The following CACNA2D3 variants were observed in gnomAD, a reference collection of about 807,000 sequenced individuals.
CACNA2D3 encodes the protein calcium voltage-gated channel auxiliary subunit alpha2delta 3, also known as voltage-dependent calcium channel subunit alpha-2/delta-3.
CACNA2D3 carries 60 observed loss-of-function variants against 160.6 expected under a neutral mutation model. That is an observed-to-expected ratio of 0.37 (90% CI 0.30 to 0.46). The LOEUF is 0.46. Ranked by LOEUF, CACNA2D3 falls within the 20% of genes least tolerant of loss-of-function variation. CACNA2D3 has a pLI of 1.00. For synonymous variants in CACNA2D3, 558 were observed against 492.9 expected (o/e 1.13, Z -1.75); for missense variants, 1,205 against 1,365.0 (o/e 0.88, Z 1.85).
chr3:55,000,892 G>A (rs1478283551), intron 31 of CACNA2D3, among the ~76,000 whole-genome samples: 1 of 152,166 alleles, frequency 6.6e-6, no homozygotes, highest in Non-Finnish European at 1.5e-5. Context: ...GCATTTCTTA[G>A]AATCTGTCAG....
At chr3:54,871,176 G>C (rs2703024) in intron 17 of CACNA2D3, among the ~76,000 whole-genome samples, 2 of 144,964 alleles carry the variant, frequency 1.4e-5, no homozygotes, top group East Asian at 4.0e-4. Flanking sequence ...ATACCATATA[G>C]GTGGAGACAC....
At position 54,181,576 on chromosome 3, in the gene CACNA2D3, A is replaced by AT. The variant is rs113684354; in HGVS notation, c.204+57990dup. Among the ~76,000 whole-genome samples, 976 of 152,208 alleles carry AT rather than the reference A, an allele frequency of 6.4e-3. 14 individuals are homozygous for AT. The highest frequency in any genetic ancestry group is 0.023 in the African/African-American group (939 of 41,508). ...TAGACCTCCATTAGAAAATTTAAAGATTTTTTTTAAGAGGTCAGAGTTAAT... is the reference window on the plus strand; with the variant it reads ...TAGACCTCCATTAGAAAATTTAAAGATTTTTTTTTAAGAGGTCAGAGTTAAT... On this transcript the variant is annotated intron_variant, in intron 2 of 37. Transcript: ENST00000474759.
intron 24 of CACNA2D3, among the ~76,000 whole-genome samples, chr3:54,890,476 AC>A (rs1252998177): frequency 1.4e-5 from 2 of 147,494 alleles, no homozygotes; most frequent in Non-Finnish European, 3.0e-5. Context: ...AGCCTGGGTG[AC>A]AGAGCCAGAC....
At chr3:54,912,805 G>A (rs75779326) in intron 27 of CACNA2D3, among the ~76,000 whole-genome samples, 2 of 152,130 alleles carry the variant, frequency 1.3e-5, no homozygotes, top group East Asian at 3.9e-4. Context: ...CACTCCTTTA[G>A]CCTTAATACT....
chr3:54,765,492 T>C (rs1702207114), intron 13 of CACNA2D3, among the ~76,000 whole-genome samples: 1 of 152,160 alleles, frequency 6.6e-6, no homozygotes, highest in Non-Finnish European at 1.5e-5. Flanking sequence ...TTTTAAATCA[T>C]GGAAACAAAA....
chr3:54,158,355 C>T (rs1019479570), intron 2 of CACNA2D3, among the ~76,000 whole-genome samples: 1 of 152,168 alleles, frequency 6.6e-6, no homozygotes, highest in African/African-American at 2.4e-5. Flanking sequence ...AGCATCGATT[C>T]TCTCTTTGAA....
intron 2 of CACNA2D3, among the ~76,000 whole-genome samples, chr3:54,207,218 G>A (rs1432605121): frequency 7.1e-6 from 1 of 140,864 alleles, no homozygotes; most frequent in South Asian, 2.4e-4. Context: ...AGTGCTAATT[G>A]TATGCATGGC....
At chr3:54,383,199 A>T (rs778564274) in intron 3 of CACNA2D3, among the ~76,000 whole-genome samples, 10 of 152,150 alleles carry the variant, frequency 6.6e-5, no homozygotes, top group Non-Finnish European at 1.5e-4. Context: ...TAATTTGTTT[A>T]CCTTTATAAG....
intron 14 of CACNA2D3, among the ~76,000 whole-genome samples, chr3:54,822,782 C>CTT (rs1207812302): frequency 7.7e-5 from 6 of 77,556 alleles, no homozygotes; most frequent in East Asian, 4.2e-4. Flanking sequence ...TTCTTTCTTT[C>CTT]TTTCTTTCCT....
Position 54,821,697 on chromosome 3 carries a change from T to TTTCTTTCTTTCTTTCCTTCCTTCC in CACNA2D3, c.1398+4830_1398+4831insTTTCTTTCTTTCCTTCCTTCCTTC, listed in dbSNP as rs753240626. On this transcript the variant is annotated intron_variant, in intron 14 of 37. Coordinates refer to ENST00000474759, the MANE Select transcript of CACNA2D3 (RefSeq NM_018398.3). ...CTTTCTTTCTTTCTTTCTTTCTTTC[T>TTTCTTTCTTTCTTTCCTTCCTTCC]TTCCTTCCTTCCTTCTTTCCTCTCT... Among the ~76,000 whole-genome samples the TTTCTTTCTTTCTTTCCTTCCTTCC allele has an allele frequency of 5.9e-4, 50 of 84,118 alleles. 1 individual carries two copies. The East Asian group carries it at 6.2e-3, about 10-fold the overall frequency. The allele number at this position is 84,118 out of a possible 152,430, so 55.2% of individuals were successfully genotyped here.
At chr3:54,599,052 G>A (rs1017166619) in intron 9 of CACNA2D3, among the ~76,000 whole-genome samples, 4 of 152,172 alleles carry the variant, frequency 2.6e-5, no homozygotes, top group East Asian at 3.9e-4. Flanking sequence ...AGGTCCCACC[G>A]TGCATTTTAA....
Position 54,806,736 on chromosome 3 carries a change from G to A in CACNA2D3, c.1381-10117G>A, listed in dbSNP as rs1405053941. On this transcript the variant is annotated intron_variant, in intron 13 of 37. Transcript: ENST00000474759. ...TTCATATGGAACCAAAAAAGAGCCC[G>A]CATCGCCAAGTCAATCCTAAGCCAA... Among the ~76,000 whole-genome samples, 17 of 152,064 alleles carry A rather than the reference G, an allele frequency of 1.1e-4. No homozygotes were observed. The East Asian group carries it at 2.1e-3, about 19-fold the overall frequency.
chr3:54,792,044 A>G (rs1219190386), intron 13 of CACNA2D3, among the ~76,000 whole-genome samples: 3 of 152,214 alleles, frequency 2.0e-5, no homozygotes, highest in Admixed American at 6.5e-5. Context: ...CAAAGAAGCC[A>G]TCTGTATTTT....
chr3:54,999,858 G>A (rs1702942461), intron 31 of CACNA2D3, among the ~76,000 whole-genome samples: 1 of 152,236 alleles, frequency 6.6e-6, no homozygotes, highest in Non-Finnish European at 1.5e-5. Context: ...ATGTCTTAAT[G>A]TCATGAGTTT....
At chr3:54,772,191 A>G (rs1702333499) in intron 13 of CACNA2D3, among the ~76,000 whole-genome samples, 2 of 149,826 alleles carry the variant, frequency 1.3e-5, no homozygotes, top group Non-Finnish European at 3.0e-5. Flanking sequence ...AGATGGCTTA[A>G]TATGGTCTGA....
At chr3:54,429,492 G>C (rs561900282) in intron 4 of CACNA2D3, among the ~76,000 whole-genome samples, 1 of 152,038 alleles carries the variant, frequency 6.6e-6, no homozygotes, top group African/African-American at 2.4e-5. Flanking sequence ...TGTGAATTTC[G>C]GCTAGATCCT....
At chr3:54,978,189 A>C (rs1219815368) in intron 29 of CACNA2D3, among the ~76,000 whole-genome samples, 1 of 152,184 alleles carries the variant, frequency 6.6e-6, no homozygotes, top group Non-Finnish European at 1.5e-5. Flanking sequence ...TGTGACACAG[A>C]ATGCCTTAAC....
intron 2 of CACNA2D3, among the ~76,000 whole-genome samples, chr3:54,240,540 A>G (rs1575337429): frequency 6.6e-6 from 1 of 152,328 alleles, no homozygotes; most frequent in East Asian, 1.9e-4. Context: ...GTGGATCAGC[A>G]TCCAACAGCG....
At chr3:54,434,338 C>G (rs1700031268) in intron 4 of CACNA2D3, among the ~76,000 whole-genome samples, 1 of 152,182 alleles carries the variant, frequency 6.6e-6, no homozygotes, top group South Asian at 2.1e-4. Context: ...TTCTCCTATG[C>G]CGATGAGGAG....
Sources: gnomAD v4.1 joint callset for allele counts (sites outside exome capture counted in the v4.1 genomes callset) on GRCh38, gnomAD v4.1.1 for gene constraint, MANE v1.5 for transcripts, NCBI Gene and HGNC (gene_info 2026-07-23, HGNC 2026-07-21) for gene names.